Variants in RBKS observed in about 807,000 individuals in gnomAD.
RBKS encodes ribokinase.
RBKS carries 33 observed loss-of-function variants against 33.9 expected under a neutral mutation model. The observed-to-expected ratio is 0.97, with a 90% CI of 0.74 to 1.30. The LOEUF is 1.30. RBKS is among the 50% of genes most tolerant of loss of function. The probability of loss-of-function intolerance (pLI) is 0.00; values close to 1 mark genes in which losing one functional copy is unlikely to be tolerated. For missense variants in RBKS, 361 were observed against 392.6 expected, an observed-to-expected ratio of 0.92 and a Z score of 0.68; for synonymous variants, 125 against 143.0, an observed-to-expected ratio of 0.87 and a Z score of 0.90.
intron 7 of RBKS, among the ~76,000 whole-genome samples, chr2:27,801,003 A>G (rs1558536059): frequency 6.6e-6 from 1 of 152,224 alleles, no homozygotes; most frequent in Non-Finnish European, 1.5e-5. Context: ...CAGGATGGGA[A>G]CAGGGTTACT....
chr2:27,889,507 G>A (rs1297833782), intron 1 of RBKS, among the ~76,000 whole-genome samples: 1 of 152,014 alleles, frequency 6.6e-6, no homozygotes, highest in African/African-American at 2.4e-5. Flanking sequence ...CATTACTTTT[G>A]TAATCAGAAA....
intron 7 of RBKS, among the ~76,000 whole-genome samples, chr2:27,783,973 TTC>T: frequency 7.4e-6 from 1 of 135,824 alleles, no homozygotes; most frequent in Non-Finnish European, 1.6e-5. Context: ...CAGGGTCATT[TTC>T]TTTTTTTTTT....
At position 27,875,286 on chromosome 2, in the gene RBKS, G is replaced by A. The variant is rs750183433; in HGVS notation, c.89+14971C>T. 2.8e-4 allele frequency among the ~76,000 whole-genome samples: 43 copies of A among 152,284 alleles called. 1 individual carries two copies. The highest frequency in any genetic ancestry group is 5.0e-4 in the Non-Finnish European group (34 of 68,024). ...TTTCCAGCCAGGTATGGTGTCTCACGTCTGTAATCACTGCACTTTGGGAGG... is the reference window on the plus strand; with the variant it reads ...TTTCCAGCCAGGTATGGTGTCTCACATCTGTAATCACTGCACTTTGGGAGG... On this transcript the variant is annotated intron_variant, in intron 1 of 7. Coordinates refer to ENST00000302188, the MANE Select transcript of RBKS (RefSeq NM_022128.3).
At chr2:27,827,865 G>A (rs1397883170) in intron 6 of RBKS, 110 bp from the exon 7 acceptor site, 1 of 889,234 alleles carries the variant, frequency 1.1e-6, no homozygotes, top group East Asian at 2.9e-5. Flanking sequence ...AACAACCAAT[G>A]CAATGGGAAC....
At chr2:27,782,611 G>A (rs1208957015) in intron 7 of RBKS, 2 of 467,722 alleles carry the variant, frequency 4.3e-6, no homozygotes, top group South Asian at 1.6e-5. Context: ...GAGGTGAAAT[G>A]TCATTTTCAT....
intron 5 of RBKS, among the ~76,000 whole-genome samples, chr2:27,839,732 C>A (rs114775090): frequency 2.6e-5 from 4 of 152,082 alleles, no homozygotes; most frequent in Non-Finnish European, 5.9e-5. Context: ...TTCTTGAAGA[C>A]GGAATAATGC....
In RBKS at chr2:27,817,165, AT is replaced by A. The variant is rs561242033; in HGVS notation, c.795+10401del. Among the ~76,000 whole-genome samples the A allele has an allele frequency of 1.8e-3, 274 of 152,326 alleles. 2 individuals carry two copies. The highest frequency in any genetic ancestry group is 1.7e-3 in the Non-Finnish European group (118 of 68,026). On this transcript the variant is annotated intron_variant, in intron 7 of 7. Transcript: ENST00000302188. ...GAGGGCCTGTTATTATATGCCAAGCATTGTATTAAGCAGTGGGGTTGCCCCA... is the reference window on the plus strand; with the variant it reads ...GAGGGCCTGTTATTATATGCCAAGCATGTATTAAGCAGTGGGGTTGCCCCA...
intron 6 of RBKS, among the ~76,000 whole-genome samples, chr2:27,830,016 G>A (rs1678390415): frequency 1.3e-5 from 2 of 152,120 alleles, no homozygotes; most frequent in Non-Finnish European, 2.9e-5. Context: ...ACCCACAGCG[G>A]GTGAACTTCC....
Position 27,822,040 on chromosome 2 carries a change from A to G in RBKS, c.795+5527T>C, listed in dbSNP as rs550090729. ...ATAAATCCCCTCAGAAACTCAACTA[A>G]TTACTACATGCAAAGAAAGTATATG... On this transcript the variant is annotated intron_variant, in intron 7 of 7. Coordinates refer to ENST00000302188, the MANE Select transcript of RBKS (RefSeq NM_022128.3). Among the ~76,000 whole-genome samples the G allele has an allele frequency of 2.6e-5, 4 of 152,318 alleles. No homozygotes were observed. The East Asian group carries it at 7.7e-4, about 29-fold the overall frequency.
chr2:27,784,348 A>C (rs964576791), intron 7 of RBKS, among the ~76,000 whole-genome samples: 1 of 152,160 alleles, frequency 6.6e-6, no homozygotes, highest in African/African-American at 2.4e-5. Context: ...TTCATAACAA[A>C]TCTTGAGGCT....
intron 7 of RBKS, among the ~76,000 whole-genome samples, chr2:27,826,409 TTTTC>T (rs962150428): frequency 2.0e-5 from 3 of 151,670 alleles, no homozygotes; most frequent in African/African-American, 7.3e-5. Flanking sequence ...TCTGTTTTTC[TTTTC>T]TTTTTTTTTT....
intron 5 of RBKS, among the ~76,000 whole-genome samples, chr2:27,841,337 T>C (rs536924985): frequency 3.3e-5 from 5 of 151,964 alleles, no homozygotes; most frequent in South Asian, 4.2e-4. Flanking sequence ...TAAGGGATAG[T>C]AGGAAAAAAA....
At chr2:27,803,276 C>G (rs1035971976) in intron 7 of RBKS, among the ~76,000 whole-genome samples, 2 of 152,194 alleles carry the variant, frequency 1.3e-5, no homozygotes, top group African/African-American at 4.8e-5. Context: ...GTTCAGTTTT[C>G]TTATCATTAT....
Position 27,845,903 on chromosome 2 carries a change from A to C in RBKS, c.349+1139T>G, listed in dbSNP as rs1035533033. On this transcript the variant is annotated intron_variant, in intron 4 of 7. Coordinates refer to ENST00000302188, the MANE Select transcript of RBKS (RefSeq NM_022128.3). ...GATTCTGATTTAAAAAAACTTATGT[A>C]GGCGTTTTTATAATTAAAACAGTTG... Among the ~76,000 whole-genome samples the C allele has an allele frequency of 4.6e-5, 7 of 152,234 alleles. No individual in the cohort carries two copies. The East Asian group carries it at 1.3e-3, about 29-fold the overall frequency.
chr2:27,821,740 A>C (rs1319612647), intron 7 of RBKS, among the ~76,000 whole-genome samples: 1 of 152,246 alleles, frequency 6.6e-6, no homozygotes, highest in African/African-American at 2.4e-5. Context: ...AGCTGTGTCA[A>C]TAGAGTAAGT....
chr2:27,858,471 G>A lies in RBKS; in HGVS notation c.190C>T (p.Arg64Trp), dbSNP rs975317015. The A allele has an allele frequency of 1.3e-5, 21 of 1,613,812 alleles. No individual in the cohort carries two copies. Among genetic ancestry groups the A allele is most frequent in the Non-Finnish European group, 1.5e-5 (18 of 1,179,934 alleles). Residue 64 changes from arginine (R) to tryptophan (W), a missense_variant, in exon 2 of 8, where the codon CGG (arginine) becomes TGG (tryptophan). By Grantham distance (101) the Arg-to-Trp change is moderately radical. Transcript: ENST00000302188. The part of the protein sequence containing the change: ...KGANQCVQAA[R>W]LGAMTSMVCK... ...ACCATGGACGTCATTGCTCCAAGCC[G>A]AGCAGCTTGGACACACTGGTTGGCA...
rs1255850330 is a variant in RBKS, at chr2:27,810,050, G to A, written c.795+17517C>T. 7.7e-7 allele frequency: 1 copy of A among 1,304,130 alleles called. No individual in the cohort carries two copies. The highest frequency in any genetic ancestry group is 2.3e-5 in the Admixed American group (1 of 43,530). 80.8% of individuals were successfully genotyped at this position (1,304,130 alleles called of 1,614,324 possible). A position where few individuals can be genotyped will look rare whatever the true frequency, so the allele number is the denominator to read the frequency against. The stretch of plus-strand genomic sequence containing the variant: ...GGGTCTTGAGCCAGGTCTACACTGT[G>A]AAAATGAAGGAAGGAACTGAGCAAT... On this transcript the variant is annotated intron_variant, in intron 7 of 7. Transcript: ENST00000302188. This position sits in a 1 kb window ranked among gnomAD's most constrained non-coding sequence, Gnocchi z 4.4.
At chr2:27,798,813 C>T (rs1022805630) in intron 7 of RBKS, among the ~76,000 whole-genome samples, 1 of 152,240 alleles carries the variant, frequency 6.6e-6, no homozygotes, top group Non-Finnish European at 1.5e-5. Flanking sequence ...TCGGCTTGGA[C>T]TTTTCCCTAG....
At chr2:27,813,537 G>A (rs1442037097) in intron 7 of RBKS, among the ~76,000 whole-genome samples, 1 of 152,010 alleles carries the variant, frequency 6.6e-6, no homozygotes, top group Non-Finnish European at 1.5e-5. Flanking sequence ...AATGAACTGG[G>A]CAAAAGACCT....
Sources: gnomAD v4.1 joint callset for allele counts (sites outside exome capture counted in the v4.1 genomes callset) on GRCh38, gnomAD v4.1.1 for gene constraint, Gnocchi (gnomAD v3.1) non-coding constraint, MANE v1.5 for transcripts, NCBI Gene and HGNC (gene_info 2026-07-23, HGNC 2026-07-21) for gene names.